The following SENP6 variants were observed in gnomAD, a reference collection of about 807,000 sequenced individuals.
The protein encoded by SENP6 is sentrin-specific protease 6.
Under a neutral mutation model 134.5 loss-of-function variants are expected in SENP6, and 41 were observed. The ratio of observed to expected loss-of-function variants is 0.30; its 90% confidence interval spans 0.24 to 0.40. SENP6 has a LOEUF of 0.40. Ranked by LOEUF, SENP6 falls within the 10% of genes least tolerant of loss-of-function variation. SENP6 has a pLI of 1.00. For missense variants in SENP6, 1,248 were observed against 1,312.5 expected (o/e 0.95, Z 0.76); for synonymous variants, 395 against 429.8 (o/e 0.92, Z 1.00).
intron 8 of SENP6, among the ~76,000 whole-genome samples, chr6:75,660,782 C>A (rs146046753): frequency 2.6e-3 from 402 of 152,250 alleles, no homozygotes; most frequent in African/African-American, 9.1e-3. Flanking sequence ...CAGGCATCTG[C>A]CACCATACCC....
At chr6:75,632,891 C>G (rs1013674851) in intron 3 of SENP6, among the ~76,000 whole-genome samples, 1 of 151,972 alleles carries the variant, frequency 6.6e-6, no homozygotes, top group Non-Finnish European at 1.5e-5. Context: ...AATGGAAAAT[C>G]AAAACAATTA....
intron 3 of SENP6, among the ~76,000 whole-genome samples, chr6:75,627,896 A>G (rs2149833966): frequency 6.6e-6 from 1 of 151,990 alleles, no homozygotes; most frequent in East Asian, 1.9e-4. Context: ...GCTGGTCTCG[A>G]ACTCTGACCT....
chr6:75,609,313 T>C (rs1453909763), intron 1 of SENP6, among the ~76,000 whole-genome samples: 1 of 152,120 alleles, frequency 6.6e-6, no homozygotes, highest in Non-Finnish European at 1.5e-5. Flanking sequence ...AATAAGTTAT[T>C]ATGGAGAAGT....
intron 10 of SENP6, among the ~76,000 whole-genome samples, chr6:75,669,725 A>G (rs1234200266): frequency 6.6e-6 from 1 of 152,212 alleles, no homozygotes; most frequent in Non-Finnish European, 1.5e-5. Context: ...TGTAATGCAA[A>G]TAACAATTCT....
chr6:75,633,595 T>C lies in SENP6; in HGVS notation c.222T>C (p.Ser74=). 6.3e-7 allele frequency: 1 copy of C among 1,596,572 alleles called. No homozygotes were observed. The highest frequency in any genetic ancestry group is 1.2e-5 in the South Asian group (1 of 86,908). ...TTTTTTTACAGTTAAATCGTCGATC[T>C]GAAATTGTTGCTAATAGCTCTGGTG... is the stretch of plus-strand genomic sequence containing the variant. ...TSKGKKLNRR[S]EIVANSSGEF... is the part of the protein sequence containing the mutation. The change falls in exon 4 of 24, where the codon TCT becomes TCC. Residue 74 remains serine (S), a synonymous_variant. Coordinates refer to ENST00000447266, the MANE Select transcript of SENP6 (RefSeq NM_015571.4).
chr6:75,654,876 A>G (rs1771189571), intron 7 of SENP6: 1 of 152,230 alleles, frequency 6.6e-6, no homozygotes, highest in African/African-American at 2.4e-5. Context: ...TGTGGTAGAT[A>G]GATATAATTA....
At chr6:75,603,482 C>G (rs969072140) in intron 1 of SENP6, among the ~76,000 whole-genome samples, 5 of 152,118 alleles carry the variant, frequency 3.3e-5, no homozygotes, top group East Asian at 1.9e-4. Context: ...ACTCATTCTT[C>G]TTGTTAAAAA....
chr6:75,677,440 A>G (rs1453202123), intron 14 of SENP6, 184 bp downstream of exon 14: 1 of 500,326 alleles, frequency 2.0e-6, no homozygotes, highest in East Asian at 3.3e-5. Flanking sequence ...GGTGCCAAAT[A>G]CCACTTGATA....
chr6:75,687,422 G>A (rs755634599), intron 16 of SENP6, among the ~76,000 whole-genome samples: 8 of 152,230 alleles, frequency 5.3e-5, no homozygotes, highest in Non-Finnish European at 8.8e-5. Context: ...GTCATTCTCC[G>A]TCCAGCTTTG....
At chr6:75,705,619 A>G (rs1287650012) in intron 19 of SENP6, among the ~76,000 whole-genome samples, 2 of 152,070 alleles carry the variant, frequency 1.3e-5, no homozygotes, top group Non-Finnish European at 2.9e-5. Flanking sequence ...TATCAAGTCA[A>G]TTGTATAATT....
chr6:75,701,805 A>C (rs774285395), intron 18 of SENP6, among the ~76,000 whole-genome samples: 130 of 151,978 alleles, frequency 8.6e-4, no homozygotes, highest in Admixed American at 2.3e-3. Context: ...ACGCCCAGCT[A>C]ATTTTCTGTA....
rs756462502 is a variant in SENP6 at position 75,713,713 on chromosome 6, A to C, written c.3017A>C (p.Lys1006Thr). 1.1e-5 allele frequency: 17 copies of C among 1,613,028 alleles called. No homozygotes were observed. The highest frequency in any genetic ancestry group is 1.3e-5 in the African/African-American group (1 of 74,890). Reference sequence around the variant, plus strand: ...GAATGGGAAGTTAAAAAAGGAAGCAAAAGAAGTTTTTCCAAAGATGTTATG... The same window carrying C: ...GAATGGGAAGTTAAAAAAGGAAGCACAAGAAGTTTTTCCAAAGATGTTATG... Reference protein sequence around the residue: ...EVEWEVKKGSKRSFSKDVMKG... With the variant: ...EVEWEVKKGSTRSFSKDVMKG... Residue 1006 changes from lysine (K) to threonine (T), a missense_variant, in exon 23 of 24, where the codon AAA becomes ACA. Transcript: ENST00000447266.
chr6:75,671,579 G>A (rs1490098220), intron 11 of SENP6, among the ~76,000 whole-genome samples: 1 of 152,066 alleles, frequency 6.6e-6, no homozygotes. Flanking sequence ...AAAATTAGCC[G>A]GGGGCAGTGG....
intron 9 of SENP6, among the ~76,000 whole-genome samples, chr6:75,665,342 A>G (rs1772120884): frequency 1.3e-5 from 2 of 152,128 alleles, no homozygotes; most frequent in Admixed American, 1.3e-4. Context: ...AATGCATAAT[A>G]TTGAGGGAAG....
In SENP6 at chr6:75,654,264, CTG is replaced by C. The variant is rs1331178102; in HGVS notation, c.551-4997_551-4996del. 3.3e-5 allele frequency among the ~76,000 whole-genome samples: 5 copies of C among 152,152 alleles called. No homozygotes were observed. The East Asian group carries it at 9.6e-4, about 29-fold the overall frequency. On this transcript the variant is annotated intron_variant, in intron 7 of 23. Transcript: ENST00000447266. Reference sequence around the variant, plus strand: ...AAAACAAAGCAAAACATAAGTAAAGCTGAGTTTTGAATCACTGGAATTTGACA... The same window carrying C: ...AAAACAAAGCAAAACATAAGTAAAGCAGTTTTGAATCACTGGAATTTGACA...
rs1380345527 is a variant in SENP6, at chr6:75,702,767, TTTC to T, written c.2418_2420del (p.Ser807del). 5 of 1,614,102 alleles carry T rather than the reference TTTC, an allele frequency of 3.1e-6. No individual in the cohort carries two copies. Among genetic ancestry groups the T allele is most frequent in the Non-Finnish European group, 2.5e-6 (3 of 1,179,992 alleles). ...TGTTCAACTGTAGAGGACAGTTGTA[TTTC>T]TTCTTCAGCCAGTGAAATGGAGAGT... is the stretch of plus-strand genomic sequence containing the variant. On this transcript the variant is annotated inframe_deletion, in exon 19 of 24. Transcript: ENST00000447266.
At chr6:75,647,557 T>TTTCATTTCAATAAATGAA (rs1266086324) in intron 6 of SENP6, 174 bp from the exon 7 acceptor site, 29 of 377,214 alleles carry the variant, frequency 7.7e-5, no homozygotes, top group Non-Finnish European at 1.2e-4. Context: ...AGTAAAATTT[T>TTTCATTTCAATAAATGAA]ACAAATTGAG....
chr6:75,715,578 A>G lies in SENP6; in HGVS notation c.3323A>G (p.Asn1108Ser). 12 of 1,609,276 alleles carry G rather than the reference A, an allele frequency of 7.5e-6. No homozygotes were observed. The highest frequency in any genetic ancestry group is 8.5e-6 in the Non-Finnish European group (10 of 1,177,210). ...GGCGAAGGAACAGAACAATATGTCA[A>G]TAGTATCTCAGATTGACCATTTCTG... The part of the protein sequence containing the change: ...PLGEGTEQYV[N>S]SISD The change falls in exon 24 of 24, where the codon AAT (asparagine) becomes AGT (serine). Residue 1108 changes from asparagine (N) to serine (S), a missense_variant. Asn to Ser is a conservative substitution (Grantham distance 46). This residue lies in a region of SENP6 where 386 missense variants were observed against 395.0 expected (regional missense o/e 0.98). Transcript: ENST00000447266.
chr6:75,682,441 A>G (rs1773531874), intron 16 of SENP6, among the ~76,000 whole-genome samples: 1 of 151,722 alleles, frequency 6.6e-6, no homozygotes, highest in South Asian at 2.1e-4. Context: ...GATCTATGGT[A>G]CATGTGCACA....
Sources: allele counts gnomAD v4.1 joint callset (sites outside exome capture counted in the v4.1 genomes callset), GRCh38; gene constraint gnomAD v4.1.1; regional missense constraint gnomAD v4.1.1; transcripts MANE v1.5; gene names NCBI Gene and HGNC (gene_info 2026-07-23, HGNC 2026-07-21).